Variants in PMFBP1 observed in about 807,000 individuals in gnomAD.
PMFBP1 encodes the protein polyamine-modulated factor 1-binding protein 1.
PMFBP1 carries 131 observed loss-of-function variants against 137.8 expected under a neutral mutation model. The ratio of observed to expected loss-of-function variants is 0.95; its 90% CI spans 0.82 to 1.10. The LOEUF (loss-of-function observed/expected upper bound fraction) is 1.10. Ranked by LOEUF, PMFBP1 falls within the 50% of genes least tolerant of loss-of-function variation. PMFBP1 has a pLI of 0.00. For missense variants in PMFBP1, 1,199 were observed against 1,175.4 expected, an observed-to-expected ratio of 1.02 and a Z score of -0.29; for synonymous variants, 490 against 450.4, an observed-to-expected ratio of 1.09 and a Z score of -1.11.
intron 5 of PMFBP1, among the ~76,000 whole-genome samples, chr16:72,143,393 G>T (rs925220588): frequency 1.3e-5 from 2 of 152,206 alleles, no homozygotes; most frequent in East Asian, 3.8e-4. Flanking sequence ...TGAAAATCTG[G>T]TAAGAGAGCT....
chr16:72,119,256 G>A lies in PMFBP1; in HGVS notation c.*82C>T. The stretch of plus-strand genomic sequence containing the variant: ...TATACTCCTGTAAGAGCTGATCCAG[G>A]TCAAGAGAGAGGGAGGGCTGGGAAC... On this transcript the variant is annotated 3_prime_UTR_variant, in exon 21 of 21. Coordinates refer to ENST00000237353, the MANE Select transcript of PMFBP1 (RefSeq NM_031293.3). 1.4e-6 allele frequency: 2 copies of A among 1,478,954 alleles called. No individual in the cohort carries two copies. Among genetic ancestry groups the A allele is most frequent in the Admixed American group, 1.7e-5 (1 of 59,628 alleles). 91.6% of individuals were successfully genotyped at this position (1,478,954 alleles called of 1,614,324 possible).
At chr16:72,117,463 G>A (rs1327256646), downstream of PMFBP1, among the ~76,000 whole-genome samples, 1 of 152,114 alleles carries the variant, frequency 6.6e-6, no homozygotes, top group African/African-American at 2.4e-5. Flanking sequence ...TGTGAACAGA[G>A]ATAATTTTAC....
rs990893951 is a variant in PMFBP1, at chr16:72,163,779, G to A, written c.165+985C>T. 2.7e-4 allele frequency among the ~76,000 whole-genome samples: 41 copies of A among 152,214 alleles called. 2 individuals are homozygous for A. The highest frequency in any genetic ancestry group is 2.9e-5 in the Non-Finnish European group (2 of 68,044). ...AATTAATGGCATTCACAGCAACCTG[G>A]ATGGAATTGGAGACTATTATTCCAA... On this transcript the variant is annotated intron_variant, in intron 3 of 20. Coordinates refer to ENST00000237353, the MANE Select transcript of PMFBP1 (RefSeq NM_031293.3).
the PMFBP1 span, among the ~76,000 whole-genome samples, chr16:72,230,792 T>C: frequency 6.6e-6 from 1 of 152,194 alleles, no homozygotes; most frequent in Non-Finnish European, 1.5e-5. Context: ...TCATTATTTC[T>C]TGCCTGGATT....
chr16:72,121,212 C>T (rs2042372706), intron 19 of PMFBP1, among the ~76,000 whole-genome samples: 1 of 152,184 alleles, frequency 6.6e-6, no homozygotes, highest in Admixed American at 6.5e-5. Flanking sequence ...CTTCTGTGGG[C>T]ATATGCTCTA....
chr16:72,149,677 G>T (rs1465393839), intron 5 of PMFBP1, among the ~76,000 whole-genome samples: 1 of 152,020 alleles, frequency 6.6e-6, no homozygotes, highest in East Asian at 1.9e-4. Context: ...ACAAAAACTG[G>T]CCGGGCATGG....
the PMFBP1 span, among the ~76,000 whole-genome samples, chr16:72,240,947 A>AAG: frequency 6.8e-4 from 89 of 131,608 alleles, no homozygotes; most frequent in East Asian, 4.0e-3. Context: ...GAGAGCGTGC[A>AAG]AGAGAGAGAG....
chr16:72,218,387 G>C, the PMFBP1 span, among the ~76,000 whole-genome samples: 32 of 151,634 alleles, frequency 2.1e-4, no homozygotes, highest in Non-Finnish European at 4.0e-4. Context: ...GAGTGCAGTG[G>C]CGCGGTCTTG....
At chr16:72,123,258 G>C (rs938629431) in intron 18 of PMFBP1, among the ~76,000 whole-genome samples, 4 of 152,206 alleles carry the variant, frequency 2.6e-5, no homozygotes, top group African/African-American at 9.7e-5. Flanking sequence ...GCTGGATCCT[G>C]GGATGGGAGG....
chr16:72,249,517 T>G, the PMFBP1 span, among the ~76,000 whole-genome samples: 4 of 152,162 alleles, frequency 2.6e-5, no homozygotes, highest in Non-Finnish European at 5.9e-5. Flanking sequence ...ATGTTTATTC[T>G]TTCATTCAAT....
chr16:72,166,148 C>A (rs1223580569), intron 2 of PMFBP1, among the ~76,000 whole-genome samples: 1 of 152,170 alleles, frequency 6.6e-6, no homozygotes, highest in Non-Finnish European at 1.5e-5. Context: ...CATGGTTTGG[C>A]TCCAAGTCCC....
At chr16:72,192,093 C>T in the PMFBP1 span, among the ~76,000 whole-genome samples, 1 of 152,114 alleles carries the variant, frequency 6.6e-6, no homozygotes, top group Non-Finnish European at 1.5e-5. Flanking sequence ...TTGCCTCTCC[C>T]CACCATCCTG....
chr16:72,120,152 A>G (rs780560270), intron 19 of PMFBP1, 63 bp from the exon 20 acceptor site: 24 of 1,610,264 alleles, frequency 1.5e-5, no homozygotes, highest in Non-Finnish European at 1.9e-5. Flanking sequence ...GTTCCCTGCT[A>G]GAAAGGACAG....
the PMFBP1 span, among the ~76,000 whole-genome samples, chr16:72,228,564 A>G: frequency 6.6e-6 from 1 of 152,154 alleles, no homozygotes; most frequent in Non-Finnish European, 1.5e-5. Context: ...GTGAGCTCTT[A>G]CAGGACACAG....
At chr16:72,136,211 G>A (rs770537131) in intron 9 of PMFBP1, among the ~76,000 whole-genome samples, 1 of 152,162 alleles carries the variant, frequency 6.6e-6, no homozygotes, top group African/African-American at 2.4e-5. Context: ...TGCGGGGCTT[G>A]GGAAAAGTCA....
the PMFBP1 span, among the ~76,000 whole-genome samples, chr16:72,216,298 T>A: frequency 6.6e-6 from 1 of 152,228 alleles, no homozygotes; most frequent in Non-Finnish European, 1.5e-5. Context: ...TTTTATTGTG[T>A]TAAGCTGCTA....
At chr16:72,198,538 G>A in the PMFBP1 span, among the ~76,000 whole-genome samples, 2 of 151,988 alleles carry the variant, frequency 1.3e-5, no homozygotes, top group African/African-American at 4.8e-5. Context: ...CCTCCTTTCC[G>A]AATGGCTGCA....
chr16:72,149,680 G>A (rs561133442), intron 5 of PMFBP1, among the ~76,000 whole-genome samples: 3 of 152,096 alleles, frequency 2.0e-5, no homozygotes, highest in East Asian at 3.9e-4. Flanking sequence ...AAAACTGGCC[G>A]GGCATGGTGG....
At chr16:72,198,685 C>A in the PMFBP1 span, among the ~76,000 whole-genome samples, 22 of 152,084 alleles carry the variant, frequency 1.4e-4, no homozygotes, top group African/African-American at 5.3e-4. Flanking sequence ...TAATTCCCAC[C>A]AGCTTTGGGC....
Sources: gnomAD v4.1 joint callset for allele counts (sites outside exome capture counted in the v4.1 genomes callset) on GRCh38, gnomAD v4.1.1 for gene constraint, MANE v1.5 for transcripts, NCBI Gene and HGNC (gene_info 2026-07-23, HGNC 2026-07-21) for gene names.